The following OLA1 variants were observed in gnomAD, a reference collection of about 807,000 sequenced individuals.
OLA1 encodes obg-like ATPase 1.
Under a neutral mutation model 48.4 loss-of-function variants are expected in OLA1, and 14 were observed. The observed-to-expected ratio is 0.29, with a 90% CI of 0.19 to 0.45. OLA1 has a LOEUF of 0.45. Among genes scored for constraint, OLA1 ranks in the 20% least tolerant of loss-of-function variants. OLA1 has a pLI of 1.00. For missense variants in OLA1, 325 were observed against 467.1 expected, an observed-to-expected ratio of 0.70 and a Z score of 2.80; for synonymous variants, 127 against 150.4, an observed-to-expected ratio of 0.84 and a Z score of 1.14.
intron 4 of OLA1, among the ~76,000 whole-genome samples, chr2:174,156,516 T>C (rs1055621813): frequency 2.0e-5 from 3 of 151,940 alleles, no homozygotes; most frequent in East Asian, 1.9e-4. Context: ...GAAAATTCTA[T>C]GGAGATTTTC....
intron 7 of OLA1, among the ~76,000 whole-genome samples, chr2:174,089,068 T>C (rs6750108): frequency 0.013 from 1,884 of 150,670 alleles, 46 homozygotes; most frequent in African/African-American, 0.044. Context: ...TCTTAGCTGG[T>C]CATGGTGGTT....
chr2:174,246,659 A>G, intron 2 of OLA1, 56 bp downstream of exon 2: 2 of 1,172,898 alleles, frequency 1.7e-6, no homozygotes, highest in Non-Finnish European at 2.5e-6. Flanking sequence ...CATTTCTACA[A>G]TAGGACCCAA....
At chr2:174,174,700 G>T (rs1687383874) in intron 4 of OLA1, among the ~76,000 whole-genome samples, 1 of 151,900 alleles carries the variant, frequency 6.6e-6, no homozygotes, top group African/African-American at 2.4e-5. Flanking sequence ...TTCATGGATT[G>T]GTAGTCTCCA....
intron 4 of OLA1, among the ~76,000 whole-genome samples, chr2:174,172,919 A>G (rs928157879): frequency 1.8e-4 from 28 of 151,982 alleles, no homozygotes; most frequent in African/African-American, 6.0e-4. Flanking sequence ...TGGTTGTTTA[A>G]AAGAGAGTGG....
At position 174,209,506 on chromosome 2, in the gene OLA1, T is replaced by G. The variant is rs951188164; in HGVS notation, c.373+13527A>C. ...TCCTGAGCACACAGAGTGGGCACAT[T>G]GGGCTAGCTGCCAAATCAAGGGTCA... On this transcript the variant is annotated intron_variant, in intron 4 of 10. Coordinates refer to ENST00000284719, the MANE Select transcript of OLA1 (RefSeq NM_013341.5). 8.5e-5 allele frequency among the ~76,000 whole-genome samples: 13 copies of G among 152,062 alleles called. 1 individual carries two copies. The highest frequency in any genetic ancestry group is 3.1e-4 in the African/African-American group (13 of 41,408).
intron 2 of OLA1, among the ~76,000 whole-genome samples, chr2:174,231,270 A>G (rs2105457468): frequency 6.6e-6 from 1 of 152,364 alleles, no homozygotes; most frequent in Non-Finnish European, 1.5e-5. Flanking sequence ...AATATTGTAT[A>G]CCTACAATGG....
intron 4 of OLA1, among the ~76,000 whole-genome samples, chr2:174,206,614 G>GA (rs11435562): frequency 0.53 from 80,567 of 151,888 alleles, 21,924 homozygotes; most frequent in East Asian, 0.94. Context: ...AGACCACCAT[G>GA]AATGAATATA....
chr2:174,096,817 A>G (rs1336387041), intron 7 of OLA1, among the ~76,000 whole-genome samples: 1 of 152,224 alleles, frequency 6.6e-6, no homozygotes, highest in African/African-American at 2.4e-5. Flanking sequence ...GTAGAGTTAA[A>G]AATACTGTTA....
At chr2:174,125,951 T>G (rs1021537141) in intron 5 of OLA1, among the ~76,000 whole-genome samples, 1 of 152,202 alleles carries the variant, frequency 6.6e-6, no homozygotes, top group Non-Finnish European at 1.5e-5. Context: ...CAGTGCTCTC[T>G]TAATTATTCC....
chr2:174,149,160 T>C (rs1686686019), intron 4 of OLA1, among the ~76,000 whole-genome samples: 1 of 152,204 alleles, frequency 6.6e-6, no homozygotes, highest in African/African-American at 2.4e-5. Context: ...GCTAACAAAC[T>C]GATCTTAGAA....
chr2:174,138,838 A>G lies in OLA1; in HGVS notation c.549+2987T>C, dbSNP rs534974089. On this transcript the variant is annotated intron_variant, in intron 5 of 10. Transcript: ENST00000284719. Reference sequence around the variant, plus strand: ...AGAAATCTGCTAACAGCTACATATTACTGAGGACATTAATTTTTTACTCAG... The same window carrying G: ...AGAAATCTGCTAACAGCTACATATTGCTGAGGACATTAATTTTTTACTCAG... 1.4e-4 allele frequency among the ~76,000 whole-genome samples: 21 copies of G among 152,376 alleles called. 1 individual carries two copies. The South Asian group carries it at 4.1e-3, about 30-fold the overall frequency.
chr2:174,223,790 C>T (rs1051578421), intron 3 of OLA1, among the ~76,000 whole-genome samples: 3 of 132,972 alleles, frequency 2.3e-5, no homozygotes, highest in Admixed American at 7.7e-5. Flanking sequence ...AAAAAAAAAG[C>T]GTGTAATGCT....
intron 1 of OLA1, 42 bp from the exon 2 acceptor site, chr2:174,246,857 T>C (rs767459016): frequency 4.1e-5 from 50 of 1,217,140 alleles, no homozygotes; most frequent in Non-Finnish European, 4.8e-5. Context: ...CTTTTTACTA[T>C]CCACATGGAC....
At chr2:174,192,972 G>A (rs897590960) in intron 4 of OLA1, among the ~76,000 whole-genome samples, 2 of 152,010 alleles carry the variant, frequency 1.3e-5, no homozygotes, top group Non-Finnish European at 2.9e-5. Flanking sequence ...ACGTGTGTAA[G>A]CGTATGTGTG....
At chr2:174,165,005 G>T (rs1256297230) in intron 4 of OLA1, among the ~76,000 whole-genome samples, 1 of 152,220 alleles carries the variant, frequency 6.6e-6, no homozygotes, top group Non-Finnish European at 1.5e-5. Context: ...AGTAAAGCTG[G>T]CCAAAAGGTA....
chr2:174,170,679 C>T (rs967637608), intron 4 of OLA1, among the ~76,000 whole-genome samples: 5 of 152,288 alleles, frequency 3.3e-5, no homozygotes, highest in African/African-American at 1.2e-4. Context: ...AGAAGGACTG[C>T]TTGAGGCCAG....
intron 4 of OLA1, among the ~76,000 whole-genome samples, chr2:174,210,189 T>C (rs538444136): frequency 6.6e-6 from 1 of 152,288 alleles, no homozygotes; most frequent in African/African-American, 2.4e-5. Flanking sequence ...TTCTACATTA[T>C]ATCTATCATA....
chr2:174,131,027 A>G (rs1686168778), intron 5 of OLA1, among the ~76,000 whole-genome samples: 1 of 152,200 alleles, frequency 6.6e-6, no homozygotes, highest in Non-Finnish European at 1.5e-5. Flanking sequence ...TACATTCAGT[A>G]TAACATATCT....
At chr2:174,076,958 T>G (rs1398573246) in intron 10 of OLA1, among the ~76,000 whole-genome samples, 1 of 152,086 alleles carries the variant, frequency 6.6e-6, no homozygotes, top group South Asian at 2.1e-4. Context: ...CATATTGACA[T>G]GACATATTAA....
Sources: allele counts gnomAD v4.1 joint callset (sites outside exome capture counted in the v4.1 genomes callset), GRCh38; gene constraint gnomAD v4.1.1; transcripts MANE v1.5; gene names NCBI Gene and HGNC (gene_info 2026-07-23, HGNC 2026-07-21).